Variants in STARD9 observed in about 807,000 individuals in gnomAD.
STARD9 encodes the protein StAR related lipid transfer domain containing 9.
In STARD9, 346 loss-of-function variants were observed where a neutral mutation model predicts 399.8. The ratio of observed to expected loss-of-function variants is 0.87; its 90% CI spans 0.79 to 0.95. The LOEUF (loss-of-function observed/expected upper bound fraction) is 0.95, where lower values mean the gene tolerates loss of function less well. Among genes scored for constraint, STARD9 ranks in the 40% least tolerant of loss-of-function variants. STARD9 has a pLI of 0.00. For synonymous variants in STARD9, 2,203 were observed against 2,143.5 expected (o/e 1.03, Z -0.77); for missense variants, 5,832 against 5,667.5 (o/e 1.03, Z -0.93).
At position 42,687,724 on chromosome 15, in the gene STARD9, G is replaced by A; in HGVS notation, c.6146G>A (p.Arg2049Lys). 1.3e-6 allele frequency: 2 copies of A among 1,537,506 alleles called. No individual in the cohort carries two copies. The highest frequency in any genetic ancestry group is 1.7e-6 in the Non-Finnish European group (2 of 1,146,992). The change falls in exon 23 of 33, where the codon AGG (arginine) becomes AAG (lysine). Residue 2049 changes from arginine (R) to lysine (K), a missense_variant. Physicochemically the swap from Arg to Lys is conservative, Grantham distance 26 (BLOSUM62 2). Transcript: ENST00000290607. ...GTTAATAATACTGATGAAATGGCTA[G>A]GCTAATTAGGAGTGTAATGCAGCTG... Reference protein sequence around the residue: ...KRVNNTDEMARLIRSVMQLEN... With the variant: ...KRVNNTDEMAKLIRSVMQLEN...
At chr15:42,705,720 C>T (rs890212511) in intron 26 of STARD9, among the ~76,000 whole-genome samples, 1 of 151,974 alleles carries the variant, frequency 6.6e-6, no homozygotes, top group Non-Finnish European at 1.5e-5. Flanking sequence ...GGATTACAGG[C>T]ATGAGCTACT....
rs895294053 is a variant in STARD9 at position 42,716,572 on chromosome 15, G to C, written c.13285-105G>C. ...TGTATTCCCATCTGGGAAGACCTTT[G>C]CAGTTGAGTCATCCCACTGGAAGCT... On this transcript the variant is annotated intron_variant, in intron 26 of 32. Transcript: ENST00000290607. The C allele has an allele frequency of 2.8e-5, 20 of 716,998 alleles. No individual in the cohort carries two copies. In the African/African-American group the frequency reaches 3.0e-4, roughly 11 times the overall value. The allele number at this position is 716,998 out of a possible 1,614,324, so 44.4% of individuals were successfully genotyped here. A position where few individuals can be genotyped will look rare whatever the true frequency, so the allele number is the denominator to read the frequency against.
At position 42,684,727 on chromosome 15, in the gene STARD9, C is replaced by A; in HGVS notation, c.3149C>A (p.Thr1050Asn). The stretch of plus-strand genomic sequence containing the variant: ...AAAAGGCATCAGAGGGTTCTGGCAA[C>A]TAGGGTCAGAAATATTACCAAAAAG... The part of the protein sequence containing the change: ...ASKRHQRVLA[T>N]RVRNITKKSS... Residue 1050 changes from threonine to asparagine, a missense_variant, in exon 23 of 33, where the codon ACT becomes AAT. Physicochemically the swap from Thr to Asn is moderately conservative, Grantham distance 65. Around this residue, in one of 2 missense-constraint regions of STARD9, gnomAD observed 5,828 missense variants for 5,651.1 expected, o/e 1.03. Coordinates refer to ENST00000290607, the MANE Select transcript of STARD9 (RefSeq NM_020759.3). The A allele has an allele frequency of 1.3e-6, 2 of 1,537,222 alleles. No individual in the cohort carries two copies. Among genetic ancestry groups the A allele is most frequent in the South Asian group, 2.4e-5 (2 of 84,066 alleles).
At chr15:42,656,807 A>G (rs1184171434) in intron 9 of STARD9, among the ~76,000 whole-genome samples, 1 of 152,154 alleles carries the variant, frequency 6.6e-6, no homozygotes, top group Non-Finnish European at 1.5e-5. Context: ...ACAAAGGCAT[A>G]AGGACACATA....
At position 42,662,988 on chromosome 15, in the gene STARD9, A is replaced by G. The variant is rs1175946282; in HGVS notation, c.868+97A>G. On this transcript the variant is annotated intron_variant, in intron 11 of 32. Transcript: ENST00000290607. ...TAGGGTAGACACAGGGTTCCTTTTG[A>G]TAAGGTTACCTTCTGGTTTGGGGCA... 3 of 966,562 alleles carry G rather than the reference A, an allele frequency of 3.1e-6. No individual in the cohort carries two copies. In the African/African-American group the frequency reaches 4.9e-5, roughly 16 times the overall value. The allele number at this position is 966,562 out of a possible 1,614,324, so 59.9% of individuals were successfully genotyped here. A position where few individuals can be genotyped will look rare whatever the true frequency, so the allele number is the denominator to read the frequency against.
intron 15 of STARD9, among the ~76,000 whole-genome samples, chr15:42,667,308 C>CTAAG (rs2060121619): frequency 6.6e-6 from 1 of 152,022 alleles, no homozygotes; most frequent in Non-Finnish European, 1.5e-5. Flanking sequence ...CCTCAGCCTC[C>CTAAG]TAAGTAGCTG....
intron 26 of STARD9, among the ~76,000 whole-genome samples, chr15:42,711,645 A>T (rs573967690): frequency 6.6e-6 from 1 of 152,192 alleles, no homozygotes; most frequent in Non-Finnish European, 1.5e-5. Flanking sequence ...GTTGTAAAAT[A>T]TATGAGAGCT....
Position 42,692,284 on chromosome 15 carries a change from C to A in STARD9, c.10706C>A (p.Pro3569His). ...AGTTCTTCAATTGCCTTAGGAGACC[C>A]CCACATCCCGACGAGCCCTGAAGGA... Reference protein sequence around the residue: ...RGSSSIALGDPHIPTSPEGVA... With the variant: ...RGSSSIALGDHHIPTSPEGVA... The change falls in exon 23 of 33, where the codon CCC (proline) becomes CAC (histidine). Residue 3569 changes from proline (P) to histidine (H), a missense_variant. By Grantham distance (77) the Pro-to-His change is moderately conservative. Coordinates refer to ENST00000290607, the MANE Select transcript of STARD9 (RefSeq NM_020759.3). The A allele has an allele frequency of 1.3e-6, 2 of 1,537,042 alleles. No homozygotes were observed. The highest frequency in any genetic ancestry group is 1.7e-6 in the Non-Finnish European group (2 of 1,146,896).
Position 42,685,851 on chromosome 15 carries a change from C to T in STARD9, c.4273C>T (p.Leu1425Phe), listed in dbSNP as rs1409510028. ...TGCTGCTGATACGTCTAGGCTGTCTCTCTGGGGAATTCAAAGGCTTATTCA... is the reference window on the plus strand; with the variant it reads ...TGCTGCTGATACGTCTAGGCTGTCTTTCTGGGGAATTCAAAGGCTTATTCA... Reference protein sequence around the residue: ...ASAADTSRLSLWGIQRLIQPG... With the variant: ...ASAADTSRLSFWGIQRLIQPG... Residue 1425 changes from leucine to phenylalanine, a missense_variant, in exon 23 of 33, where the codon CTC becomes TTC. By Grantham distance (22) the Leu-to-Phe change is conservative (BLOSUM62 0). Transcript: ENST00000290607. The T allele has an allele frequency of 2.6e-6, 4 of 1,537,046 alleles. No individual in the cohort carries two copies. The highest frequency in any genetic ancestry group is 3.5e-6 in the Non-Finnish European group (4 of 1,146,940).
intron 3 of STARD9, among the ~76,000 whole-genome samples, chr15:42,617,365 A>T (rs1303897162): frequency 1.3e-5 from 2 of 151,768 alleles, no homozygotes; most frequent in South Asian, 2.1e-4. Context: ...ACCTATAATA[A>T]TTTTTTTTTC....
Position 42,691,827 on chromosome 15 carries a change from C to G in STARD9, c.10249C>G (p.Pro3417Ala). 6.5e-7 allele frequency: 1 copy of G among 1,537,290 alleles called. No homozygotes were observed. Among genetic ancestry groups the G allele is most frequent in the Non-Finnish European group, 8.7e-7 (1 of 1,146,920 alleles). The stretch of plus-strand genomic sequence containing the variant: ...AATGCCTTCCACTCTCTCACACATG[C>G]CAACCCCTGATTTCACGACCAGCTG... ...YPMPSTLSHM[P>A]TPDFTTSWMS... The change falls in exon 23 of 33, where the codon CCA becomes GCA. Residue 3417 changes from proline to alanine, a missense_variant. Transcript: ENST00000290607.
chr15:42,610,408 T>C (rs1223113246), intron 3 of STARD9, among the ~76,000 whole-genome samples: 1 of 152,202 alleles, frequency 6.6e-6, no homozygotes, highest in Non-Finnish European at 1.5e-5. Flanking sequence ...GGTTGTTCTC[T>C]CAGTTGGGCC....
At chr15:42,662,212 A>G (rs1472739723) in intron 10 of STARD9, among the ~76,000 whole-genome samples, 4 of 152,224 alleles carry the variant, frequency 2.6e-5, no homozygotes, top group African/African-American at 7.2e-5. Context: ...TTATAGTTAC[A>G]TATGTATTTA....
At chr15:42,641,949 A>C (rs1360386932) in intron 7 of STARD9, among the ~76,000 whole-genome samples, 1 of 152,170 alleles carries the variant, frequency 6.6e-6, no homozygotes, top group Non-Finnish European at 1.5e-5. Context: ...GTATAGAACC[A>C]GCCTTGGAAG....
In STARD9 at chr15:42,693,043, A is replaced by G. The variant is rs1446023755; in HGVS notation, c.11465A>G (p.Gln3822Arg). The G allele has an allele frequency of 9.1e-6, 14 of 1,537,034 alleles. No homozygotes were observed. Among genetic ancestry groups the G allele is most frequent in the Non-Finnish European group, 1.2e-5 (14 of 1,146,898 alleles). ...PSIPSSHLRFQKAPVGQHLPS... is the reference protein window; with the variant it reads ...PSIPSSHLRFRKAPVGQHLPS... ...ATACCCTCATCCCACTTGAGGTTTC[A>G]GAAAGCCCCCGTTGGGCAGCATCTT... Residue 3822 changes from glutamine (Q) to arginine (R), a missense_variant, in exon 23 of 33, where the codon CAG becomes CGG. By Grantham distance (43) the Gln-to-Arg change is conservative. Coordinates refer to ENST00000290607, the MANE Select transcript of STARD9 (RefSeq NM_020759.3).
chr15:42,668,698 G>T (rs913352573), intron 15 of STARD9, among the ~76,000 whole-genome samples: 5 of 152,096 alleles, frequency 3.3e-5, no homozygotes, highest in African/African-American at 1.2e-4. Flanking sequence ...TGTGAGCCGT[G>T]TGCAAGCTTA....
At position 42,665,969 on chromosome 15, in the gene STARD9, A is replaced by G. The variant is rs144819529; in HGVS notation, c.1317+121A>G. 4.0e-4 allele frequency: 328 copies of G among 815,668 alleles called. 2 individuals carry two copies. The African/African-American group carries it at 4.1e-3, about 10-fold the overall frequency. 50.5% of individuals were successfully genotyped at this position (815,668 alleles called of 1,614,324 possible). ...AGAAGAGCTGTCTCATTTAAATACAATGTTTGTTTCCTTTAAGCCTTGACC... is the reference window on the plus strand; with the variant it reads ...AGAAGAGCTGTCTCATTTAAATACAGTGTTTGTTTCCTTTAAGCCTTGACC... On this transcript the variant is annotated intron_variant, in intron 15 of 32. Coordinates refer to ENST00000290607, the MANE Select transcript of STARD9 (RefSeq NM_020759.3).
intron 15 of STARD9, among the ~76,000 whole-genome samples, chr15:42,666,924 C>G (rs1216680116): frequency 6.6e-6 from 1 of 151,376 alleles, no homozygotes. Context: ...AAGTGATTCT[C>G]CTGCCTAAGC....
Position 42,680,734 on chromosome 15 carries a change from G to A in STARD9, c.1875-688G>A, listed in dbSNP as rs149877181. 2.9e-3 allele frequency among the ~76,000 whole-genome samples: 446 copies of A among 152,196 alleles called. 3 individuals carry two copies. The highest frequency in any genetic ancestry group is 6.1e-3 in the Admixed American group (93 of 15,284). Reference sequence around the variant, plus strand: ...CACTCTCCCTCATTCCCTCTCACTGGATCTAGACAAATTCTTGACATATTT... The same window carrying A: ...CACTCTCCCTCATTCCCTCTCACTGAATCTAGACAAATTCTTGACATATTT... On this transcript the variant is annotated intron_variant, in intron 20 of 32. Transcript: ENST00000290607.
Sources: gnomAD v4.1 joint callset for allele counts (sites outside exome capture counted in the v4.1 genomes callset) on GRCh38, gnomAD v4.1.1 for gene constraint, gnomAD v4.1.1 regional missense constraint, MANE v1.5 for transcripts, NCBI Gene and HGNC (gene_info 2026-07-23, HGNC 2026-07-21) for gene names.